The following TENM2 variants were observed in gnomAD, a reference collection of about 807,000 sequenced individuals.
The protein encoded by TENM2 is teneurin-2.
TENM2 carries 52 observed loss-of-function variants against 245.2 expected under a neutral mutation model. The observed-to-expected ratio is 0.21, with a 90% CI of 0.17 to 0.27. TENM2 has a LOEUF of 0.27. TENM2 is among the 10% of genes least tolerant of loss of function. The probability of loss-of-function intolerance (pLI) is 1.00; values close to 1 mark genes in which losing one functional copy is unlikely to be tolerated. For missense variants in TENM2, 3,046 were observed against 3,666.8 expected (o/e 0.83, Z 4.37); for synonymous variants, 1,363 against 1,438.9 (o/e 0.95, Z 1.19).
the TENM2 span, among the ~76,000 whole-genome samples, chr5:167,259,760 A>G: frequency 6.6e-6 from 1 of 152,070 alleles, no homozygotes; most frequent in South Asian, 2.1e-4. Context: ...CCAGGCCCCT[A>G]AGATGTTTTA....
chr5:167,075,153 C>G, the TENM2 span, among the ~76,000 whole-genome samples: 2 of 152,064 alleles, frequency 1.3e-5, no homozygotes, highest in Non-Finnish European at 2.9e-5. Context: ...TATGCTAACC[C>G]ATCTGTCCTC....
rs563140966 is a variant in TENM2 at position 168,204,317 on chromosome 5, C to G, written c.3575-55C>G. On this transcript the variant is annotated intron_variant, in intron 18 of 28. Transcript: ENST00000518659. ...TCCCCTCCCTCCCAGTTGGCCAATACACATGTCTTCCCCAGAGGGCTTCAG... is the reference window on the plus strand; with the variant it reads ...TCCCCTCCCTCCCAGTTGGCCAATAGACATGTCTTCCCCAGAGGGCTTCAG... The G allele has an allele frequency of 3.0e-4, 478 of 1,574,406 alleles. 2 individuals are homozygous for G. The African/African-American group carries it at 5.4e-3, about 18-fold the overall frequency.
the TENM2 span, among the ~76,000 whole-genome samples, chr5:167,077,437 T>A: frequency 6.6e-6 from 1 of 152,234 alleles, no homozygotes; most frequent in African/African-American, 2.4e-5. Flanking sequence ...TGCTCAAGTT[T>A]GTACAACTAG....
chr5:167,253,276 T>C, the TENM2 span, among the ~76,000 whole-genome samples: 8 of 151,300 alleles, frequency 5.3e-5, no homozygotes, highest in East Asian at 1.4e-3. Flanking sequence ...TTTTTAATTT[T>C]TCATACAGAT....
intron 3 of TENM2, among the ~76,000 whole-genome samples, chr5:167,940,071 C>T (rs1779051798): frequency 6.6e-6 from 1 of 152,132 alleles, no homozygotes. Flanking sequence ...GAAAAAATTA[C>T]TACAGTTTGC....
chr5:167,194,606 A>G, the TENM2 span, among the ~76,000 whole-genome samples: 2 of 151,978 alleles, frequency 1.3e-5, no homozygotes, highest in Non-Finnish European at 2.9e-5. Context: ...GTCAGGGATT[A>G]ATGACGGTGA....
intron 2 of TENM2, among the ~76,000 whole-genome samples, chr5:167,503,019 A>C (rs1769306822): frequency 6.6e-6 from 1 of 152,014 alleles, no homozygotes; most frequent in Non-Finnish European, 1.5e-5. Context: ...TAGTAAATGG[A>C]GTTTCACATA....
At chr5:167,699,212 CTTAAAA>C (rs1582785181) in intron 2 of TENM2, among the ~76,000 whole-genome samples, 1 of 151,906 alleles carries the variant, frequency 6.6e-6, no homozygotes, top group Non-Finnish European at 1.5e-5. Flanking sequence ...ATGTCCTGTC[CTTAAAA>C]TTAAAATTTG....
chr5:167,982,839 C>T (rs1441990377), intron 4 of TENM2, among the ~76,000 whole-genome samples: 1 of 152,184 alleles, frequency 6.6e-6, no homozygotes, highest in Admixed American at 6.5e-5. Flanking sequence ...AATGTAATCA[C>T]ATGAAGCAGA....
intron 1 of TENM2, among the ~76,000 whole-genome samples, chr5:167,373,116 A>G (rs1029722969): frequency 5.2e-4 from 79 of 152,230 alleles, no homozygotes; most frequent in African/African-American, 1.9e-3. Flanking sequence ...TCCAATGAAT[A>G]AGTTTCATTC....
At chr5:167,456,999 G>A (rs903356619) in intron 2 of TENM2, among the ~76,000 whole-genome samples, 6 of 152,108 alleles carry the variant, frequency 3.9e-5, no homozygotes, top group Admixed American at 6.5e-5. Context: ...GTTTCCAGTC[G>A]TGGTTTGAAG....
At chr5:167,572,726 A>G (rs565351309) in intron 2 of TENM2, among the ~76,000 whole-genome samples, 2 of 152,304 alleles carry the variant, frequency 1.3e-5, no homozygotes, top group East Asian at 3.9e-4. Context: ...CATTTGAAAC[A>G]ATTTGAATTG....
intron 1 of TENM2, among the ~76,000 whole-genome samples, chr5:167,330,029 C>T (rs1407048464): frequency 6.6e-6 from 1 of 152,108 alleles, no homozygotes; most frequent in Non-Finnish European, 1.5e-5. Flanking sequence ...GGAGCAAGTT[C>T]ACTGGATTTT....
At chr5:167,024,279 C>A in the TENM2 span, among the ~76,000 whole-genome samples, 1 of 152,130 alleles carries the variant, frequency 6.6e-6, no homozygotes, top group Admixed American at 6.6e-5. Context: ...ATTGTGCTTA[C>A]AATTTGTTGT....
At chr5:167,653,780 G>C (rs1754643175) in intron 2 of TENM2, 1 of 152,162 alleles carries the variant, frequency 6.6e-6, no homozygotes, top group African/African-American at 2.4e-5. Context: ...TTCTGGGGTG[G>C]CATGTGACAA....
At chr5:167,823,270 A>G (rs1268049764) in intron 2 of TENM2, among the ~76,000 whole-genome samples, 1 of 152,154 alleles carries the variant, frequency 6.6e-6, no homozygotes, top group Non-Finnish European at 1.5e-5. Context: ...TAGAATGCTT[A>G]GCTCTTTTCC....
At chr5:167,230,916 G>A in the TENM2 span, among the ~76,000 whole-genome samples, 67 of 152,324 alleles carry the variant, frequency 4.4e-4, no homozygotes, top group African/African-American at 1.5e-3. Flanking sequence ...AAGGGACCCA[G>A]TGGGAGTAAT....
At chr5:167,917,052 A>G in intron 3 of TENM2, among the ~76,000 whole-genome samples, 1 of 152,204 alleles carries the variant, frequency 6.6e-6, no homozygotes, top group East Asian at 1.9e-4. Flanking sequence ...GGTGCCTTTC[A>G]GGGAAAGGCC....
the TENM2 span, among the ~76,000 whole-genome samples, chr5:167,215,803 CT>C: frequency 2.4e-3 from 367 of 152,276 alleles, 2 homozygotes; most frequent in African/African-American, 8.6e-3. Context: ...TACACATTAG[CT>C]TTTACTTTCA....
Sources: allele counts gnomAD v4.1 joint callset (sites outside exome capture counted in the v4.1 genomes callset), GRCh38; gene constraint gnomAD v4.1.1; transcripts MANE v1.5; gene names NCBI Gene and HGNC (gene_info 2026-07-23, HGNC 2026-07-21).